PPARGC1B: variants seen among roughly 807,000 people sequenced by gnomAD.
The protein encoded by PPARGC1B is peroxisome proliferator-activated receptor gamma coactivator 1-beta.
In PPARGC1B, 34 loss-of-function variants were observed where a neutral mutation model predicts 101.6. The ratio of observed to expected loss-of-function variants is 0.33; its 90% CI spans 0.25 to 0.45. The LOEUF is 0.45. PPARGC1B is among the 20% of genes least tolerant of loss of function. The pLI, the probability that PPARGC1B is intolerant of heterozygous loss-of-function variation, is 1.00. For synonymous variants in PPARGC1B, 548 were observed against 539.3 expected (o/e 1.02, Z -0.22); for missense variants, 1,234 against 1,317.6 (o/e 0.94, Z 0.98).
At chr5:149,803,688 CA>C (rs907362568) in intron 1 of PPARGC1B, among the ~76,000 whole-genome samples, 10 of 152,266 alleles carry the variant, frequency 6.6e-5, no homozygotes, top group African/African-American at 2.4e-4. Flanking sequence ...TAAGGAGGCC[CA>C]GGGGTGGGGA....
At chr5:149,795,979 C>T (rs1757199313) in intron 1 of PPARGC1B, among the ~76,000 whole-genome samples, 1 of 152,080 alleles carries the variant, frequency 6.6e-6, no homozygotes, top group African/African-American at 2.4e-5. Context: ...GCCCATTTTC[C>T]CACATAAGAG....
At chr5:149,740,457 C>G (rs1754871155) in intron 1 of PPARGC1B, among the ~76,000 whole-genome samples, 1 of 151,972 alleles carries the variant, frequency 6.6e-6, no homozygotes, top group Non-Finnish European at 1.5e-5. Flanking sequence ...CCCTGAGGTT[C>G]TTCTTGCAGA....
chr5:149,793,893 A>G (rs1757111821), intron 1 of PPARGC1B, among the ~76,000 whole-genome samples: 1 of 152,226 alleles, frequency 6.6e-6, no homozygotes, highest in African/African-American at 2.4e-5. Flanking sequence ...AAAGGACCCC[A>G]GGGATGTGTG....
At chr5:149,776,189 A>G (rs1756355097) in intron 1 of PPARGC1B, among the ~76,000 whole-genome samples, 2 of 152,186 alleles carry the variant, frequency 1.3e-5, no homozygotes, top group Non-Finnish European at 2.9e-5. Flanking sequence ...AGCAGAGTGT[A>G]GGTGATGAAA....
At chr5:149,757,085 G>A (rs1053779608) in intron 1 of PPARGC1B, among the ~76,000 whole-genome samples, 3 of 152,152 alleles carry the variant, frequency 2.0e-5, no homozygotes, top group Non-Finnish European at 2.9e-5. Flanking sequence ...GCCCTTCGAA[G>A]ACAATAAAAC....
intron 1 of PPARGC1B, among the ~76,000 whole-genome samples, chr5:149,794,005 C>T (rs1047652029): frequency 2.0e-5 from 3 of 152,134 alleles, no homozygotes; most frequent in South Asian, 2.1e-4. Flanking sequence ...TAGCCATGCC[C>T]GTTTATTTAT....
chr5:149,731,009 C>A (rs962961976), intron 1 of PPARGC1B, among the ~76,000 whole-genome samples: 2 of 152,248 alleles, frequency 1.3e-5, no homozygotes, highest in African/African-American at 2.4e-5. Flanking sequence ...GCGGAGACAG[C>A]GTCTTCCTGG....
At chr5:149,752,469 G>A (rs1436391501) in intron 1 of PPARGC1B, among the ~76,000 whole-genome samples, 1 of 152,238 alleles carries the variant, frequency 6.6e-6, no homozygotes, top group Non-Finnish European at 1.5e-5. Flanking sequence ...GTGGTTCAAT[G>A]TGAAAGAGAC....
intron 1 of PPARGC1B, among the ~76,000 whole-genome samples, chr5:149,745,572 G>A (rs1016939161): frequency 6.6e-6 from 1 of 152,040 alleles, no homozygotes; most frequent in African/African-American, 2.4e-5. Context: ...CTCAGTGTGG[G>A]GTACAGGCTA....
At chr5:149,819,102 G>A (rs953725231) in intron 1 of PPARGC1B, among the ~76,000 whole-genome samples, 15 of 152,180 alleles carry the variant, frequency 9.9e-5, no homozygotes, top group Non-Finnish European at 1.5e-4. Flanking sequence ...AGTAGCTCTG[G>A]GTTTAGGCCT....
At chr5:149,768,531 CCT>C (rs935127422) in intron 1 of PPARGC1B, among the ~76,000 whole-genome samples, 2 of 150,836 alleles carry the variant, frequency 1.3e-5, no homozygotes, top group African/African-American at 4.9e-5. Context: ...GCAACCTCCG[CCT>C]CTCAGGTTCA....
At chr5:149,857,060 A>AC (rs570362368), downstream of PPARGC1B, among the ~76,000 whole-genome samples, 81 of 152,126 alleles carry the variant, frequency 5.3e-4, 3 homozygotes, top group South Asian at 0.016. Flanking sequence ...GCATTGAGCC[A>AC]CCACGCCTGG....
intron 1 of PPARGC1B, among the ~76,000 whole-genome samples, chr5:149,799,158 C>A (rs558694833): frequency 6.6e-6 from 1 of 152,286 alleles, no homozygotes; most frequent in Admixed American, 6.5e-5. Flanking sequence ...TCCTCAGAAT[C>A]CCAGAACAAG....
intron 1 of PPARGC1B, among the ~76,000 whole-genome samples, chr5:149,741,245 A>C (rs964010634): frequency 6.6e-6 from 1 of 152,200 alleles, no homozygotes; most frequent in African/African-American, 2.4e-5. Flanking sequence ...CCAGGCCCTG[A>C]GCAGTTGCAG....
chr5:149,781,664 C>G (rs1018642414), intron 1 of PPARGC1B, among the ~76,000 whole-genome samples: 2 of 152,156 alleles, frequency 1.3e-5, no homozygotes, highest in African/African-American at 4.8e-5. Flanking sequence ...ATCTGCTGAG[C>G]TAAATTTCTG....
chr5:149,753,698 G>T (rs567234705), intron 1 of PPARGC1B, among the ~76,000 whole-genome samples: 42 of 151,824 alleles, frequency 2.8e-4, no homozygotes, highest in African/African-American at 9.7e-4. Flanking sequence ...TATTTATTTA[G>T]TTAGATTTTT....
intron 10 of PPARGC1B, 184 bp from the exon 11 acceptor site, chr5:149,845,576 A>T: frequency 1.7e-6 from 1 of 603,090 alleles, no homozygotes; most frequent in Non-Finnish European, 2.9e-6. Flanking sequence ...TCAACATATT[A>T]GCTGCTTTCA....
chr5:149,818,017 G>A (rs74983147), intron 1 of PPARGC1B, among the ~76,000 whole-genome samples: 1,752 of 152,294 alleles, frequency 0.012, 30 homozygotes, highest in African/African-American at 0.04. Flanking sequence ...GCTTGGGCAC[G>A]AAGGAGAAAG....
intron 1 of PPARGC1B, among the ~76,000 whole-genome samples, chr5:149,814,564 C>A (rs1192823187): frequency 6.6e-6 from 1 of 152,140 alleles, no homozygotes. Flanking sequence ...ACTGCAGCCA[C>A]CCCTCCGCCC....
Sources: gnomAD v4.1 joint callset for allele counts (sites outside exome capture counted in the v4.1 genomes callset) on GRCh38, gnomAD v4.1.1 for gene constraint, MANE v1.5 for transcripts, NCBI Gene and HGNC (gene_info 2026-07-23, HGNC 2026-07-21) for gene names.